The following SLC4A9 variants were observed in gnomAD, a reference collection of about 807,000 sequenced individuals.
The protein encoded by SLC4A9 is anion exchange protein 4.
In SLC4A9, 102 loss-of-function variants were observed where a neutral mutation model predicts 103.2. The observed-to-expected ratio is 0.99, with a 90% CI of 0.84 to 1.17. The LOEUF is 1.17. SLC4A9 is among the 50% of genes most tolerant of loss of function. The pLI is 0.00. For synonymous variants in SLC4A9, 453 were observed against 483.6 expected, an observed-to-expected ratio of 0.94 and a Z score of 0.83; for missense variants, 1,091 against 1,193.7, an observed-to-expected ratio of 0.91 and a Z score of 1.27.
rs1297779229 is a variant in SLC4A9, at chr5:140,367,578, G to T, written c.2172G>T (p.Leu724=). The T allele has an allele frequency of 3.1e-6, 5 of 1,602,584 alleles. No homozygotes were observed. The highest frequency in any genetic ancestry group is 3.4e-6 in the Non-Finnish European group (4 of 1,174,696). ...TCCTCAACCGCATGGAATACAGACT[G>T]CAGGTAAGGCCTGCTGGGTAAGGCC... ...AVILNRMEYR[L]QKGAGFHLDL... Residue 724 remains leucine, a synonymous_variant, in exon 15 of 22, where the codon CTG becomes CTT. Transcript: ENST00000506757.
At chr5:140,365,411 C>T in intron 11 of SLC4A9, 109 bp from the exon 12 acceptor site, 2 of 883,754 alleles carry the variant, frequency 2.3e-6, no homozygotes, top group Non-Finnish European at 3.6e-6. Context: ...ACAGATGAGT[C>T]ACAATTAAGA....
At position 140,371,562 on chromosome 5, in the gene SLC4A9, GC is replaced by G. The variant is rs1768726252; in HGVS notation, c.2610del (p.Cys871ValfsTer7). The stretch of plus-strand genomic sequence containing the variant: ...CCACCTCTTCACAGCCATCCAGCTT[GC>G]CTGTCTGGGGCTGCTTTGGATAATC... ...RVHLFTAIQL[A>X]CLGLLWIIKS... On this transcript the variant is annotated frameshift_variant, in exon 19 of 22. Transcript: ENST00000506757. LOFTEE classifies it high-confidence loss of function. 1 of 1,614,054 alleles carries G rather than the reference GC, an allele frequency of 6.2e-7. No individual in the cohort carries two copies. Among genetic ancestry groups the G allele is most frequent in the East Asian group, 2.2e-5 (1 of 44,888 alleles).
chr5:140,365,098 T>G (rs138778951), intron 11 of SLC4A9, among the ~76,000 whole-genome samples: 430 of 152,220 alleles, frequency 2.8e-3, no homozygotes, highest in African/African-American at 9.6e-3. Context: ...GCCGGCCAGG[T>G]GGAGAGAGGC....
chr5:140,363,452 C>A lies in SLC4A9; in HGVS notation c.976C>A (p.Gln326Lys). The change falls in exon 8 of 22, where the codon CAG (glutamine) becomes AAG (lysine). Residue 326 changes from glutamine (Q) to lysine (K), a missense_variant. Transcript: ENST00000506757. This position sits in a 1 kb window ranked among gnomAD's most constrained non-coding sequence, Gnocchi z 4.5. Reference protein sequence around the residue: ...PSQHKRLPSQQREIRGPAVPR... With the variant: ...PSQHKRLPSQKREIRGPAVPR... ...CCTCCTCCTCAGGCTTCCCTCGCAA[C>A]AGCGGGAGATCAGAGGTCCCGCCGT... is the stretch of plus-strand genomic sequence containing the variant. 1.3e-6 allele frequency: 2 copies of A among 1,551,324 alleles called. No individual in the cohort carries two copies. The highest frequency in any genetic ancestry group is 1.7e-6 in the Non-Finnish European group (2 of 1,147,000).
At chr5:140,362,373 T>C (rs1767214506) in intron 5 of SLC4A9, 72 bp from the exon 6 acceptor site, 1 of 1,452,126 alleles carries the variant, frequency 6.9e-7, no homozygotes, top group Admixed American at 1.7e-5. Context: ...AGGTCAGAGC[T>C]GAGCATCAGA....
rs1206102734 is a variant in SLC4A9, at chr5:140,365,506, T to C, written c.1652-14T>C. 1.2e-5 allele frequency: 19 copies of C among 1,605,496 alleles called. No individual in the cohort carries two copies. The highest frequency in any genetic ancestry group is 1.6e-5 in the Non-Finnish European group (19 of 1,175,838). ...GGGAGGGAACATACATCTGAATTCT[T>C]CTCTGCTTCCCAGGAAATGAGTCTC... On this transcript the variant is annotated splice_polypyrimidine_tract_variant and intron_variant, in intron 11 of 21. Transcript: ENST00000506757.
chr5:140,365,298 G>C (rs1767711493), intron 11 of SLC4A9, among the ~76,000 whole-genome samples: 1 of 152,208 alleles, frequency 6.6e-6, no homozygotes, highest in African/African-American at 2.4e-5. Context: ...CTGTGGCCAG[G>C]TCCAGTGCTT....
chr5:140,361,230 G>A (rs1166937422), intron 2 of SLC4A9, 24 bp from the exon 3 acceptor site: 3 of 1,542,490 alleles, frequency 1.9e-6, no homozygotes, highest in African/African-American at 2.7e-5. Context: ...TCAGGAAGGA[G>A]ATGACCCCCA....
intron 17 of SLC4A9, among the ~76,000 whole-genome samples, chr5:140,369,443 G>A (rs17286676): frequency 0.2 from 29,763 of 152,052 alleles, 3,389 homozygotes; most frequent in East Asian, 0.29. Context: ...AAAGAAATAT[G>A]GAACTAAGCC....
chr5:140,362,290 A>C, intron 5 of SLC4A9, 116 bp downstream of exon 5: 1 of 1,310,478 alleles, frequency 7.6e-7, no homozygotes, highest in East Asian at 2.5e-5. Flanking sequence ...GATGGTGCTC[A>C]GGGGTCTGGG....
At position 140,372,364 on chromosome 5, in the gene SLC4A9, A is replaced by G. The variant is rs61730785; in HGVS notation, c.2793A>G (p.Pro931=). Reference sequence around the variant, plus strand: ...GCATCCCTGAGAAGGGGCTGGAGCCAGAACACTCATTCAGTGGAAGTGACA... The same window carrying G: ...GCATCCCTGAGAAGGGGCTGGAGCCGGAACACTCATTCAGTGGAAGTGACA... The part of the protein sequence containing the change: ...ERSIPEKGLE[P]EHSFSGSDSE... The change falls in exon 20 of 22, where the codon CCA becomes CCG. Residue 931 remains proline, a synonymous_variant. Transcript: ENST00000506757. 1,578 of 1,610,540 alleles carry G rather than the reference A, an allele frequency of 9.8e-4. 14 individuals carry two copies. In the African/African-American group the frequency reaches 0.018, roughly 18 times the overall value.
At chr5:140,365,389 TAG>T in intron 11 of SLC4A9, 129 bp from the exon 12 acceptor site, 1 of 717,744 alleles carries the variant, frequency 1.4e-6, no homozygotes, top group Non-Finnish European at 2.4e-6. Context: ...TTGGTAGTGA[TAG>T]AGTCAGCAGA....
rs777875236 is a variant in SLC4A9 at position 140,364,451 on chromosome 5, A to G, written c.1477A>G (p.Ser493Gly). 14 of 1,613,452 alleles carry G rather than the reference A, an allele frequency of 8.7e-6. No individual in the cohort carries two copies. Among genetic ancestry groups the G allele is most frequent in the Admixed American group, 3.3e-5 (2 of 59,914 alleles). The part of the protein sequence containing the change: ...FCLVLVATEA[S>G]VLVRYFTRFT... ...CCTGGTGCTGGTGGCCACAGAGGCC[A>G]GTGTGCTGGTGCGCTACTTCACCCG... Residue 493 changes from serine to glycine, a missense_variant, in exon 11 of 22, where the codon AGT becomes GGT. Coordinates refer to ENST00000506757, the MANE Select transcript of SLC4A9 (RefSeq NM_031467.3).
Position 140,368,637 on chromosome 5 carries a change from T to A in SLC4A9, c.2405T>A (p.Ile802Asn). The change falls in exon 17 of 22, where the codon ATC (isoleucine) becomes AAC (asparagine). Residue 802 changes from isoleucine (I) to asparagine (N), a missense_variant. Physicochemically the swap from Ile to Asn is moderately radical, Grantham distance 149. Coordinates refer to ENST00000506757, the MANE Select transcript of SLC4A9 (RefSeq NM_031467.3). ...LVVFILTGAS[I>N]FLAPVLKFIP... Reference sequence around the variant, plus strand: ...GTGTTCATCCTTACAGGAGCCTCCATCTTCCTGGCACCTGTGCTCAAGGTA... The same window carrying A: ...GTGTTCATCCTTACAGGAGCCTCCAACTTCCTGGCACCTGTGCTCAAGGTA... The A allele has an allele frequency of 6.2e-7, 1 of 1,613,600 alleles. No homozygotes were observed. Among genetic ancestry groups the A allele is most frequent in the Non-Finnish European group, 8.5e-7 (1 of 1,179,754 alleles).
chr5:140,362,473 A>G lies in SLC4A9; in HGVS notation c.748A>G (p.Met250Val), dbSNP rs372361242. ...TTTCTGCCTTCTCCTGGGCCCCTGT[A>G]TGCTGGGAAAGGGCTACCATGAGAT... ...RFFCLLLGPC[M>V]LGKGYHEMGR... Residue 250 changes from methionine to valine, a missense_variant, in exon 6 of 22, where the codon ATG (methionine) becomes GTG (valine). Met to Val is a conservative substitution (Grantham distance 21, BLOSUM62 1). Coordinates refer to ENST00000506757, the MANE Select transcript of SLC4A9 (RefSeq NM_031467.3). The G allele has an allele frequency of 6.8e-6, 11 of 1,613,940 alleles. 1 individual carries two copies. The South Asian group carries it at 1.2e-4, about 18-fold the overall frequency.
At position 140,363,516 on chromosome 5, in the gene SLC4A9, G is replaced by A. The variant is rs1767418311; in HGVS notation, c.1040G>A (p.Gly347Glu). The A allele has an allele frequency of 1.3e-6, 2 of 1,552,442 alleles. No homozygotes were observed. Among genetic ancestry groups the A allele is most frequent in the East Asian group, 2.4e-5 (1 of 40,986 alleles). ...TCGGCTGAGGACAGGCACCGCCATG[G>A]GCCACACGCACACAGCCCGGAGTTG... The part of the protein sequence containing the change: ...LTSAEDRHRH[G>E]PHAHSPELQR... The change falls in exon 8 of 22, where the codon GGG becomes GAG. Residue 347 changes from glycine to glutamate, a missense_variant. By Grantham distance (98) the Gly-to-Glu change is moderately conservative. Transcript: ENST00000506757. The surrounding 1 kb of genome is among the most constrained non-coding windows in gnomAD (Gnocchi z 4.5).
intron 11 of SLC4A9, 69 bp from the exon 12 acceptor site, chr5:140,365,448 TAAG>T: frequency 7.2e-7 from 1 of 1,396,236 alleles, no homozygotes; most frequent in Non-Finnish European, 9.9e-7. Context: ...ACCCATCAGA[TAAG>T]AATTTTATGG....
Position 140,362,048 on chromosome 5 carries a change from C to T in SLC4A9, c.593C>T (p.Pro198Leu). Reference sequence around the variant, plus strand: ...AACCCCCTGAGACAGAAGCTACCTCCAGGAGCTGAGGCAGGGACTGTGCTG... The same window carrying T: ...AACCCCCTGAGACAGAAGCTACCTCTAGGAGCTGAGGCAGGGACTGTGCTG... ...CQNPLRQKLP[P>L]GAEAGTVLAG... Residue 198 changes from proline (P) to leucine (L), a missense_variant, in exon 5 of 22, where the codon CCA becomes CTA. Coordinates refer to ENST00000506757, the MANE Select transcript of SLC4A9 (RefSeq NM_031467.3). 1 of 1,607,418 alleles carries T rather than the reference C, an allele frequency of 6.2e-7. No individual in the cohort carries two copies. The highest frequency in any genetic ancestry group is 8.5e-7 in the Non-Finnish European group (1 of 1,178,252).
intron 17 of SLC4A9, chr5:140,370,860 T>C: frequency 1.9e-6 from 1 of 533,804 alleles, no homozygotes; most frequent in South Asian, 2.4e-5. Context: ...CAAAGTTACT[T>C]AGTCCCTCTG....
Sources: allele counts gnomAD v4.1 joint callset (sites outside exome capture counted in the v4.1 genomes callset), GRCh38; gene constraint gnomAD v4.1.1; non-coding constraint Gnocchi (gnomAD v3.1); transcripts MANE v1.5; gene names NCBI Gene and HGNC (gene_info 2026-07-23, HGNC 2026-07-21).